Variants in REST observed in about 807,000 individuals in gnomAD.
REST encodes RE1 silencing transcription factor.
REST carries 1 observed loss-of-function variant against 30.4 expected under a neutral mutation model. The ratio of observed to expected loss-of-function variants is 0.03; its 90% CI spans 0.01 to 0.16. The LOEUF is 0.16. REST is among the 10% of genes least tolerant of loss of function. The probability of loss-of-function intolerance (pLI) is 1.00; values close to 1 mark genes in which losing one functional copy is unlikely to be tolerated. For synonymous variants in REST, 504 were observed against 451.1 expected (o/e 1.12, Z -1.49); for missense variants, 1,259 against 1,329.5 (o/e 0.95, Z 0.82).
chr4:56,910,994 T>C lies in REST; in HGVS notation c.356T>C (p.Val119Ala). 6.2e-7 allele frequency: 1 copy of C among 1,614,204 alleles called. No homozygotes were observed. Among genetic ancestry groups the C allele is most frequent in the Non-Finnish European group, 8.5e-7 (1 of 1,180,046 alleles). The change falls in exon 2 of 4, where the codon GTA becomes GCA. Residue 119 changes from valine (V) to alanine (A), a missense_variant. Val to Ala is a moderately conservative substitution (Grantham distance 64). Coordinates refer to ENST00000309042, the MANE Select transcript of REST (RefSeq NM_005612.5). ...MELRSLELSV[V>A]EPQPVFEASG... ...CTGAGAAGTTTGGAACTCAGCGTCG[T>C]AGAACCTCAGCCTGTATTTGAGGCA...
chr4:56,922,756 G>T (rs1156879873), intron 3 of REST, among the ~76,000 whole-genome samples: 1 of 152,052 alleles, frequency 6.6e-6, no homozygotes, highest in Admixed American at 6.6e-5. Flanking sequence ...CTTCCTTCTG[G>T]ATATGTCCAC....
In REST at chr4:56,934,247, T is replaced by C. The variant is rs1362370853; in HGVS notation, c.*2095T>C. The C allele has an allele frequency of 1.3e-5, 2 of 152,238 alleles. No individual in the cohort carries two copies. The highest frequency in any genetic ancestry group is 2.9e-5 in the Non-Finnish European group (2 of 68,042). The allele number at this position is 152,238 out of a possible 1,614,324, so 9.4% of individuals were successfully genotyped here. On this transcript the variant is annotated 3_prime_UTR_variant, in exon 4 of 4. Coordinates refer to ENST00000309042, the MANE Select transcript of REST (RefSeq NM_005612.5). ...AGTTTTAATGTTCATGGGTACATTT[T>C]ACCTAAGTTACCGTTTACATTGTAT...
At chr4:56,908,717 C>T (rs1719740613) in intron 1 of REST, among the ~76,000 whole-genome samples, 1 of 151,836 alleles carries the variant, frequency 6.6e-6, no homozygotes, top group Admixed American at 6.6e-5. Context: ...CCCCGGGGCC[C>T]GGGCGGTTCC....
chr4:56,934,621 G>A lies in REST; in HGVS notation c.*2469G>A, dbSNP rs1417535200. On this transcript the variant is annotated 3_prime_UTR_variant, in exon 4 of 4. Coordinates refer to ENST00000309042, the MANE Select transcript of REST (RefSeq NM_005612.5). ...TGTTTCAATGAAAAGTACATTAGCA[G>A]TATGAACTTCTGGTCCAGTTGGAAG... The A allele has an allele frequency of 1.3e-5, 2 of 152,168 alleles. No individual in the cohort carries two copies. The highest frequency in any genetic ancestry group is 1.9e-4 in the East Asian group (1 of 5,200). 9.4% of individuals were successfully genotyped at this position (152,168 alleles called of 1,614,324 possible). A position where few individuals can be genotyped will look rare whatever the true frequency, so the allele number is the denominator to read the frequency against.
chr4:56,915,181 C>T (rs7658601), intron 2 of REST, among the ~76,000 whole-genome samples: 27,494 of 147,002 alleles, frequency 0.19, 2,762 homozygotes, highest in East Asian at 0.39. Flanking sequence ...CCGCGGCCTC[C>T]CAAAGATTAC....
In REST at chr4:56,921,021, A is replaced by G. The variant is rs571430984; in HGVS notation, c.982+1151A>G. 3.9e-5 allele frequency among the ~76,000 whole-genome samples: 6 copies of G among 152,040 alleles called. No individual in the cohort carries two copies. In the South Asian group the frequency reaches 1.0e-3, roughly 26 times the overall value. On this transcript the variant is annotated intron_variant, in intron 3 of 3. Transcript: ENST00000309042. ...GCTGGGATTACAGGCGCGCACCACC[A>G]TGCCCGGCTGATTCTTGTATTTTTA... is the stretch of plus-strand genomic sequence containing the variant.
chr4:56,921,944 T>G (rs1720469538), intron 3 of REST, among the ~76,000 whole-genome samples: 1 of 152,224 alleles, frequency 6.6e-6, no homozygotes, highest in Admixed American at 6.5e-5. Flanking sequence ...TACTGGACAT[T>G]GCTGCCATGA....
intron 2 of REST, among the ~76,000 whole-genome samples, chr4:56,918,143 A>G (rs116494778): frequency 0.016 from 2,445 of 150,942 alleles, 34 homozygotes; most frequent in Non-Finnish European, 0.026. Flanking sequence ...ATTCTTCAGT[A>G]TTAAATCACT....
At chr4:56,915,412 A>G (rs1720149577) in intron 2 of REST, among the ~76,000 whole-genome samples, 1 of 149,996 alleles carries the variant, frequency 6.7e-6, no homozygotes, top group African/African-American at 2.5e-5. Context: ...CGCCCAGCTA[A>G]TTTTTTAAAA....
At position 56,929,818 on chromosome 4, in the gene REST, TCATA is replaced by T. The variant is rs1720884364; in HGVS notation, c.983-21_983-18del. 5 of 1,573,286 alleles carry T rather than the reference TCATA, an allele frequency of 3.2e-6. No homozygotes were observed. Among genetic ancestry groups the T allele is most frequent in the Non-Finnish European group, 4.3e-6 (5 of 1,162,340 alleles). ...AATTTGTCTTAATCTATGTCTTCTCTCATACTTTTGATTTGCCTTCAGGTGAGAA... is the reference window on the plus strand; with the variant it reads ...AATTTGTCTTAATCTATGTCTTCTCTCTTTTGATTTGCCTTCAGGTGAGAA... On this transcript the variant is annotated intron_variant, in intron 3 of 3. Coordinates refer to ENST00000309042, the MANE Select transcript of REST (RefSeq NM_005612.5).
rs1721030058 is a variant in REST at position 56,933,069 on chromosome 4, C to T, written c.*917C>T. 6.6e-6 allele frequency: 1 copy of T among 152,100 alleles called. No homozygotes were observed. Among genetic ancestry groups the T allele is most frequent in the Non-Finnish European group, 1.5e-5 (1 of 68,020 alleles). The allele number at this position is 152,100 out of a possible 1,614,324, so 9.4% of individuals were successfully genotyped here. A position where few individuals can be genotyped will look rare whatever the true frequency, so the allele number is the denominator to read the frequency against. On this transcript the variant is annotated 3_prime_UTR_variant, in exon 4 of 4. Coordinates refer to ENST00000309042, the MANE Select transcript of REST (RefSeq NM_005612.5). ...TGATTTTTACATCTTATATCTATGC[C>T]AGAATCTGTATTTCATATAACTTAT...
intron 2 of REST, among the ~76,000 whole-genome samples, chr4:56,913,970 T>C (rs963969382): frequency 7.9e-5 from 12 of 151,214 alleles, no homozygotes; most frequent in Non-Finnish European, 1.2e-4. Flanking sequence ...TAGTTTTACT[T>C]TGTCACCCAT....
chr4:56,910,953 A>G lies in REST; in HGVS notation c.315A>G (p.Gly105=), dbSNP rs750998565. The change falls in exon 2 of 4, where the codon GGA becomes GGG. Residue 105 remains glycine (G), a synonymous_variant. Transcript: ENST00000309042. The part of the protein sequence containing the change: ...ESADIKGEPH[G]LENMELRSLE... The stretch of plus-strand genomic sequence containing the variant: ...CTGATATAAAAGGTGAACCTCATGG[A>G]CTGGAAAACATGGAACTGAGAAGTT... The G allele has an allele frequency of 6.2e-7, 1 of 1,614,208 alleles. No individual in the cohort carries two copies. Among genetic ancestry groups the G allele is most frequent in the Non-Finnish European group, 8.5e-7 (1 of 1,180,046 alleles).
At position 56,910,773 on chromosome 4, in the gene REST, G is replaced by A; in HGVS notation, c.135G>A (p.Gln45=). Residue 45 remains glutamine, a synonymous_variant, in exon 2 of 4, where the codon CAG becomes CAA. Transcript: ENST00000309042. ...DLSKAELAAP[Q]LIMLANVALT... is the part of the protein sequence containing the mutation. ...CCAAAGCTGAACTGGCCGCACCTCA[G>A]CTTATTATGCTGGCAAATGTGGCCT... The A allele has an allele frequency of 3.7e-6, 6 of 1,614,230 alleles. No homozygotes were observed. Among genetic ancestry groups the A allele is most frequent in the Non-Finnish European group, 5.1e-6 (6 of 1,180,050 alleles).
intron 3 of REST, among the ~76,000 whole-genome samples, chr4:56,926,158 C>A (rs1011754435): frequency 1.3e-5 from 2 of 152,066 alleles, no homozygotes; most frequent in Non-Finnish European, 2.9e-5. Flanking sequence ...CTCCTGGGTT[C>A]AAGTGATTCT....
At chr4:56,925,730 CTT>C (rs1176642172) in intron 3 of REST, among the ~76,000 whole-genome samples, 1 of 152,122 alleles carries the variant, frequency 6.6e-6, no homozygotes, top group African/African-American at 2.4e-5. Context: ...ATTAGAAAAT[CTT>C]GATGAATATA....
At chr4:56,924,508 G>T (rs1482980075) in intron 3 of REST, among the ~76,000 whole-genome samples, 1 of 152,168 alleles carries the variant, frequency 6.6e-6, no homozygotes, top group Non-Finnish European at 1.5e-5. Flanking sequence ...CTGTCACTCA[G>T]GGTGGAGTGC....
At chr4:56,929,814 T>C in intron 3 of REST, 27 bp from the exon 4 acceptor site, 1 of 1,565,976 alleles carries the variant, frequency 6.4e-7, no homozygotes, top group Non-Finnish European at 8.6e-7. Flanking sequence ...ATCTATGTCT[T>C]CTCTCATACT....
chr4:56,928,261 T>G (rs1007966973), intron 3 of REST, among the ~76,000 whole-genome samples: 3 of 152,080 alleles, frequency 2.0e-5, no homozygotes, highest in Non-Finnish European at 4.4e-5. Context: ...CATCTGCCAC[T>G]ACACCCGGCT....
Sources: allele counts gnomAD v4.1 joint callset (sites outside exome capture counted in the v4.1 genomes callset), GRCh38; gene constraint gnomAD v4.1.1; transcripts MANE v1.5; gene names NCBI Gene and HGNC (gene_info 2026-07-23, HGNC 2026-07-21).